The following LRP1B variants were observed in gnomAD, a reference collection of about 807,000 sequenced individuals.
LRP1B encodes low-density lipoprotein receptor-related protein 1B.
A neutral mutation model predicts 556.6 loss-of-function variants in LRP1B; 217 were observed. That is an observed-to-expected ratio of 0.39 (90% CI 0.35 to 0.44). LRP1B has a LOEUF of 0.44. Ranked by LOEUF, LRP1B falls within the 20% of genes least tolerant of loss-of-function variation. The pLI, the probability that LRP1B is intolerant of heterozygous loss-of-function variation, is 1.00. For synonymous variants in LRP1B, 2,047 were observed against 1,865.8 expected, an observed-to-expected ratio of 1.10 and a Z score of -2.50; for missense variants, 5,053 against 5,620.8, an observed-to-expected ratio of 0.90 and a Z score of 3.23.
chr2:140,926,959 T>C (rs1271587119), intron 20 of LRP1B, among the ~76,000 whole-genome samples: 2 of 152,084 alleles, frequency 1.3e-5, no homozygotes, highest in Non-Finnish European at 2.9e-5. Context: ...ATTCATTACA[T>C]CAGATTGAAC....
intron 58 of LRP1B, among the ~76,000 whole-genome samples, chr2:140,486,964 A>G (rs533569477): frequency 4.6e-5 from 7 of 152,060 alleles, no homozygotes; most frequent in African/African-American, 7.2e-5. Context: ...AGTTAAAGTA[A>G]TTGATGGGTT....
rs1301309161 is a variant in LRP1B, at chr2:140,562,599, ATTTCT to A, written c.7195-20633_7195-20629del. ...CATTTGAGATTTTTTTCTTTTTTAA[ATTTCT>A]TTTCTTTTCTGTTATTTATTTATTT... is the stretch of plus-strand genomic sequence containing the variant. On this transcript the variant is annotated intron_variant, in intron 43 of 90. Transcript: ENST00000389484. 4.0e-5 allele frequency among the ~76,000 whole-genome samples: 6 copies of A among 151,680 alleles called. No individual in the cohort carries two copies. The East Asian group carries it at 9.7e-4, about 24-fold the overall frequency.
chr2:141,080,708 T>C (rs75748515), intron 7 of LRP1B, among the ~76,000 whole-genome samples: 3,031 of 152,314 alleles, frequency 0.02, 111 homozygotes, highest in East Asian at 0.14. Context: ...TCTGTCTCTA[T>C]TTCATTCTGA....
chr2:140,754,640 C>T (rs115946728), intron 35 of LRP1B, among the ~76,000 whole-genome samples: 2,871 of 151,590 alleles, frequency 0.019, 79 homozygotes, highest in Admixed American at 0.073. Context: ...AAAATGAAGA[C>T]TCTATATATC....
chr2:141,968,241 A>G (rs1370367711), intron 1 of LRP1B, among the ~76,000 whole-genome samples: 1 of 151,804 alleles, frequency 6.6e-6, no homozygotes, highest in Non-Finnish European at 1.5e-5. Flanking sequence ...GCCTTTGTCC[A>G]TTTTTTACAC....
chr2:141,417,313 T>C lies in LRP1B; in HGVS notation c.343+63083A>G, dbSNP rs181258665. On this transcript the variant is annotated intron_variant, in intron 3 of 90. Transcript: ENST00000389484. Reference sequence around the variant, plus strand: ...GGTTTGTGAACTATAATCACAATGTTGTACAGCAGATCTCTAAAACTGTTT... The same window carrying C: ...GGTTTGTGAACTATAATCACAATGTCGTACAGCAGATCTCTAAAACTGTTT... Among the ~76,000 whole-genome samples, 9 of 152,334 alleles carry C rather than the reference T, an allele frequency of 5.9e-5. No individual in the cohort carries two copies. In the East Asian group the frequency reaches 1.4e-3, roughly 23 times the overall value.
Position 141,019,322 on chromosome 2 carries a change from T to A in LRP1B, c.1970+600A>T, listed in dbSNP as rs1041295414. ...GTCACCCTAGACTAATAAAAAGTAG[T>A]GAAGTTTAGTGGCTAAGAGTAAAGT... On this transcript the variant is annotated intron_variant, in intron 12 of 90. Transcript: ENST00000389484. 1.2e-4 allele frequency among the ~76,000 whole-genome samples: 18 copies of A among 152,070 alleles called. 1 individual carries two copies. Among genetic ancestry groups the A allele is most frequent in the Admixed American group, 1.2e-3 (18 of 15,238 alleles).
At chr2:140,623,662 T>C (rs1186657008) in intron 41 of LRP1B, among the ~76,000 whole-genome samples, 7 of 152,002 alleles carry the variant, frequency 4.6e-5, no homozygotes, top group African/African-American at 1.7e-4. Flanking sequence ...CTTACTCCTG[T>C]AATCCCAGCA....
chr2:141,171,680 A>G (rs1680504028), intron 7 of LRP1B, among the ~76,000 whole-genome samples: 1 of 152,056 alleles, frequency 6.6e-6, no homozygotes, highest in South Asian at 2.1e-4. Context: ...GCAGCGTAAG[A>G]GTGTAGGCTG....
intron 11 of LRP1B, 30 bp from the exon 12 acceptor site, chr2:141,020,132 T>C (rs1213122027): frequency 1.4e-6 from 2 of 1,418,858 alleles, no homozygotes; most frequent in Non-Finnish European, 9.3e-7. Context: ...AAGAAAGAAA[T>C]TGCTTTTACA....
At chr2:141,009,315 A>G (rs1280838240) in intron 14 of LRP1B, among the ~76,000 whole-genome samples, 1 of 151,914 alleles carries the variant, frequency 6.6e-6, no homozygotes, top group Non-Finnish European at 1.5e-5. Flanking sequence ...CAGATGAATT[A>G]TGCATTTAAT....
chr2:140,330,642 C>A (rs144658488), intron 79 of LRP1B, among the ~76,000 whole-genome samples: 316 of 152,152 alleles, frequency 2.1e-3, no homozygotes, highest in Non-Finnish European at 3.8e-3. Flanking sequence ...CTTGGAAATA[C>A]CATTCAGGTC....
chr2:140,677,838 T>C (rs1685724663), intron 41 of LRP1B, among the ~76,000 whole-genome samples: 1 of 147,868 alleles, frequency 6.8e-6, no homozygotes, highest in Non-Finnish European at 1.5e-5. Context: ...ATCGTGCTAT[T>C]GCACTCCAGT....
chr2:141,737,091 CA>C (rs1464205145), intron 2 of LRP1B, among the ~76,000 whole-genome samples: 1 of 152,156 alleles, frequency 6.6e-6, no homozygotes, highest in Non-Finnish European at 1.5e-5. Context: ...CGGTGGTTCA[CA>C]CCTGTAATCC....
intron 79 of LRP1B, among the ~76,000 whole-genome samples, chr2:140,326,117 A>C (rs1429518944): frequency 1.3e-5 from 2 of 152,148 alleles, no homozygotes; most frequent in Non-Finnish European, 1.5e-5. Flanking sequence ...GTCTTATTTC[A>C]CATAGGAAAG....
At chr2:141,856,917 A>G (rs1216767209) in intron 1 of LRP1B, among the ~76,000 whole-genome samples, 1 of 152,120 alleles carries the variant, frequency 6.6e-6, no homozygotes, top group Admixed American at 6.6e-5. Context: ...TACAGGAAAA[A>G]AAAAAAAAAG....
chr2:141,544,338 T>TTC (rs1685434645), intron 2 of LRP1B, among the ~76,000 whole-genome samples: 1 of 66,688 alleles, frequency 1.5e-5, no homozygotes, highest in Non-Finnish European at 2.8e-5. Context: ...CTTCTTCTTC[T>TTC]TCTTCTTCTT....
intron 1 of LRP1B, among the ~76,000 whole-genome samples, chr2:141,841,505 G>A (rs939735584): frequency 6.6e-6 from 1 of 152,160 alleles, no homozygotes; most frequent in African/African-American, 2.4e-5. Flanking sequence ...CTGAATAAAT[G>A]TCCTCCCTCC....
At chr2:140,973,081 T>TA (rs1573939260) in intron 18 of LRP1B, among the ~76,000 whole-genome samples, 3 of 140,048 alleles carry the variant, frequency 2.1e-5, no homozygotes, top group South Asian at 2.2e-4. Context: ...TATATATATA[T>TA]TTCTAAACAC....
Sources: allele counts gnomAD v4.1 joint callset (sites outside exome capture counted in the v4.1 genomes callset), GRCh38; gene constraint gnomAD v4.1.1; transcripts MANE v1.5; gene names NCBI Gene and HGNC (gene_info 2026-07-23, HGNC 2026-07-21).